Variants in SOX5 observed in about 807,000 individuals in gnomAD.
The protein encoded by SOX5 is transcription factor SOX-5.
SOX5 carries 9 observed loss-of-function variants against 92.0 expected under a neutral mutation model. The observed-to-expected ratio is 0.10, with a 90% confidence interval of 0.06 to 0.17. The LOEUF is 0.17. Among genes scored for constraint, SOX5 ranks in the 10% least tolerant of loss-of-function variants. The pLI is 1.00. For synonymous variants in SOX5, 344 were observed against 336.3 expected (o/e 1.02, Z -0.25); for missense variants, 642 against 944.5 (o/e 0.68, Z 4.20).
Position 23,843,382 on chromosome 12 carries a change from G to A in SOX5, c.481+2601C>T, listed in dbSNP as rs953594488. On this transcript the variant is annotated intron_variant, in intron 3 of 14. Transcript: ENST00000451604. ...ATTTTAACAAATATACCATACTAAT[G>A]TAAGATGTTAATAAGAGAGGAGACT... Among the ~76,000 whole-genome samples the A allele has an allele frequency of 3.9e-5, 6 of 151,986 alleles. No individual in the cohort carries two copies. In the South Asian group the frequency reaches 6.2e-4, roughly 16 times the overall value.
In SOX5 at chr12:23,640,818, T is replaced by C. The variant is rs201582044; in HGVS notation, c.1011A>G (p.Gln337=). ...AAATPGLGPL[Q]LQQLYAAQLA... ...GTATTGTTTCCTGACTTACCTGCAG[T>C]TGGAGTGGGCCTAAGCCTGGTGTTG... The change falls in exon 8 of 15, where the codon CAA becomes CAG. Residue 337 remains glutamine, a synonymous_variant. Transcript: ENST00000451604. The C allele has an allele frequency of 1.1e-5, 17 of 1,612,810 alleles. No individual in the cohort carries two copies. Among genetic ancestry groups the C allele is most frequent in the Admixed American group, 5.0e-5 (3 of 60,008 alleles).
intron 4 of SOX5, among the ~76,000 whole-genome samples, chr12:24,117,382 A>G (rs1948126564): frequency 6.6e-6 from 1 of 152,198 alleles, no homozygotes; most frequent in East Asian, 1.9e-4. Context: ...TAGTACAGCA[A>G]TTTTGGAGAA....
intron 2 of SOX5, among the ~76,000 whole-genome samples, chr12:24,342,065 C>A (rs935657920): frequency 6.6e-6 from 1 of 152,194 alleles, no homozygotes. Context: ...AGCTTAAAAT[C>A]AGGTGCCAAT....
intron 1 of SOX5, among the ~76,000 whole-genome samples, chr12:24,538,933 A>G (rs554402612): frequency 2.6e-4 from 40 of 152,298 alleles, no homozygotes; most frequent in African/African-American, 9.4e-4. Context: ...CAATTATCAC[A>G]TCACAAATGA....
chr12:24,423,998 A>T (rs1209674810), intron 1 of SOX5, among the ~76,000 whole-genome samples: 1 of 152,218 alleles, frequency 6.6e-6, no homozygotes, highest in Admixed American at 6.5e-5. Flanking sequence ...TAAAAATGAC[A>T]GTGGGCAATA....
At chr12:23,800,826 C>G (rs1294143580) in intron 3 of SOX5, among the ~76,000 whole-genome samples, 2 of 152,042 alleles carry the variant, frequency 1.3e-5, no homozygotes, top group African/African-American at 4.8e-5. Flanking sequence ...ATATATATAG[C>G]CTTTACCTGT....
chr12:24,509,378 T>C (rs1445544653), intron 1 of SOX5, among the ~76,000 whole-genome samples: 1 of 152,066 alleles, frequency 6.6e-6, no homozygotes, highest in Non-Finnish European at 1.5e-5. Context: ...TCCATAGTAG[T>C]CTCCCAGTTG....
At chr12:23,987,820 A>C (rs1950201595) in intron 4 of SOX5, among the ~76,000 whole-genome samples, 1 of 152,176 alleles carries the variant, frequency 6.6e-6, no homozygotes, top group Admixed American at 6.6e-5. Flanking sequence ...GGAGGATTCT[A>C]AGACACATGG....
intron 13 of SOX5, 124 bp downstream of exon 13, chr12:23,543,087 T>C: frequency 2.9e-6 from 2 of 683,092 alleles, no homozygotes; most frequent in East Asian, 5.1e-5. Context: ...TGATGATGTT[T>C]ATTTTCTGGA....
intron 1 of SOX5, among the ~76,000 whole-genome samples, chr12:23,937,464 C>G (rs78407880): frequency 1.3e-5 from 2 of 150,978 alleles, no homozygotes; most frequent in East Asian, 1.9e-4. Context: ...TGATTTAATA[C>G]TATAAATTCA....
intron 2 of SOX5, among the ~76,000 whole-genome samples, chr12:24,308,679 T>C (rs1419115446): frequency 2.0e-5 from 3 of 152,324 alleles, no homozygotes; most frequent in African/African-American, 7.2e-5. Context: ...AAATGCAGAC[T>C]GACTATGGTC....
intron 4 of SOX5, among the ~76,000 whole-genome samples, chr12:24,121,241 A>G (rs1427413415): frequency 6.6e-6 from 1 of 152,230 alleles, no homozygotes; most frequent in Non-Finnish European, 1.5e-5. Flanking sequence ...ATACAGATCC[A>G]TGAATATGAG....
chr12:24,456,607 T>C (rs1943047010), intron 1 of SOX5, among the ~76,000 whole-genome samples: 1 of 152,170 alleles, frequency 6.6e-6, no homozygotes, highest in Non-Finnish European at 1.5e-5. Flanking sequence ...ACTTAACAAA[T>C]GAAGGAACTG....
intron 1 of SOX5, among the ~76,000 whole-genome samples, chr12:24,445,009 T>A (rs1941248082): frequency 6.6e-6 from 1 of 152,126 alleles, no homozygotes; most frequent in South Asian, 2.1e-4. Context: ...ACTAGATGAT[T>A]TTTTCTGTAC....
intron 4 of SOX5, among the ~76,000 whole-genome samples, chr12:24,107,536 G>GAAAC (rs543307837): frequency 2.2e-3 from 336 of 152,248 alleles, no homozygotes; most frequent in Admixed American, 3.5e-3. Context: ...AGGGCTTCTT[G>GAAAC]AAACAAACAA....
Position 23,801,011 on chromosome 12 carries a change from C to T in SOX5, c.481+44972G>A, listed in dbSNP as rs534422704. 3.3e-5 allele frequency among the ~76,000 whole-genome samples: 5 copies of T among 152,244 alleles called. No individual in the cohort carries two copies. The South Asian group carries it at 8.3e-4, about 25-fold the overall frequency. ...GCACTGGGCCAAACCTTGAGAGATG[C>T]TTCTCAAGGAAAACACTATACTGTT... On this transcript the variant is annotated intron_variant, in intron 3 of 14. Coordinates refer to ENST00000451604, the MANE Select transcript of SOX5 (RefSeq NM_006940.6).
chr12:24,520,959 T>C (rs969148032), intron 1 of SOX5, among the ~76,000 whole-genome samples: 2 of 152,166 alleles, frequency 1.3e-5, no homozygotes, highest in Non-Finnish European at 2.9e-5. Flanking sequence ...ATAACAATTA[T>C]AAATATAAAT....
At chr12:23,916,495 T>A (rs2138631642) in intron 1 of SOX5, among the ~76,000 whole-genome samples, 1 of 152,272 alleles carries the variant, frequency 6.6e-6, no homozygotes, top group Middle Eastern at 3.4e-3. Context: ...TCCCCTCAGC[T>A]CATGGAGTAT....
chr12:23,618,921 AAT>A (rs2076867546), intron 8 of SOX5, among the ~76,000 whole-genome samples: 1 of 152,172 alleles, frequency 6.6e-6, no homozygotes, highest in Non-Finnish European at 1.5e-5. Context: ...AGTCAAAAAT[AAT>A]AGTTTCCAAG....
Sources: allele counts gnomAD v4.1 joint callset (sites outside exome capture counted in the v4.1 genomes callset), GRCh38; gene constraint gnomAD v4.1.1; transcripts MANE v1.5; gene names NCBI Gene and HGNC (gene_info 2026-07-23, HGNC 2026-07-21).